FGF13: variants seen among roughly 807,000 people sequenced by gnomAD.
The protein encoded by FGF13 is fibroblast growth factor homologous factor 2.
A neutral mutation model predicts 19.5 loss-of-function variants in FGF13; 2 were observed. The observed-to-expected ratio is 0.10, with a 90% confidence interval of 0.04 to 0.32. The LOEUF (loss-of-function observed/expected upper bound fraction) is 0.32. Ranked by LOEUF, FGF13 falls within the 10% of genes least tolerant of loss-of-function variation. The probability of loss-of-function intolerance (pLI) is 1.00; values close to 1 mark genes in which losing one functional copy is unlikely to be tolerated. For missense variants in FGF13, 113 were observed against 192.7 expected (o/e 0.59, Z 2.45); for synonymous variants, 72 against 76.9 (o/e 0.94, Z 0.33).
intron 1 of FGF13, among the ~76,000 whole-genome samples, chrX:138,994,977 A>T (rs1456962834): frequency 1.6e-5 from 1 of 62,116 alleles, no homozygotes; most frequent in African/African-American, 6.1e-5. Context: ...TTCAACAACT[A>T]TGTAACCAAA....
chrX:138,936,970 T>C (rs1010468446), intron 1 of FGF13, among the ~76,000 whole-genome samples: 5 of 111,885 alleles, frequency 4.5e-5, no homozygotes, highest in East Asian at 2.8e-4. Context: ...TTTTCTTTTA[T>C]ATCTGTTTGT....
chrX:138,734,038 G>A (rs2090253388), intron 1 of FGF13, among the ~76,000 whole-genome samples: 1 of 111,524 alleles, frequency 9.0e-6, no homozygotes, highest in South Asian at 3.7e-4. Flanking sequence ...GGACCAAAAG[G>A]CTGTTTGAAC....
chrX:138,905,360 GATA>G (rs1020815354), intron 1 of FGF13, among the ~76,000 whole-genome samples: 2 of 111,905 alleles, frequency 1.8e-5, no homozygotes, highest in African/African-American at 6.5e-5. Flanking sequence ...ATAAGCACAA[GATA>G]ATGTGACTAC....
chrX:138,887,918 C>G (rs2091458788), intron 1 of FGF13, among the ~76,000 whole-genome samples: 1 of 111,976 alleles, frequency 8.9e-6, no homozygotes, highest in African/African-American at 3.3e-5. Flanking sequence ...CTTCTCCCTT[C>G]TAGTTTAATA....
intron 1 of FGF13, among the ~76,000 whole-genome samples, chrX:138,969,666 T>C (rs1369638615): frequency 1.8e-5 from 2 of 111,788 alleles, no homozygotes; most frequent in Non-Finnish European, 3.8e-5. Context: ...GTATTAGGAA[T>C]GTGTTTTAAT....
At chrX:139,178,887 T>A (rs189764004) in intron 1 of FGF13, among the ~76,000 whole-genome samples, 406 of 112,327 alleles carry the variant, frequency 3.6e-3, no homozygotes, top group Non-Finnish European at 6.1e-3. Context: ...AATAAGGGAT[T>A]AAACTGGACA....
intron 1 of FGF13, among the ~76,000 whole-genome samples, chrX:139,075,935 C>T (rs1410477981): frequency 2.2e-4 from 3 of 13,544 alleles, no homozygotes; most frequent in Non-Finnish European, 4.0e-4. Flanking sequence ...CTCCGCTTCC[C>T]GGGTTCACGC....
intron 1 of FGF13, among the ~76,000 whole-genome samples, chrX:138,939,037 C>A (rs1476068936): frequency 8.9e-6 from 1 of 111,964 alleles, no homozygotes; most frequent in African/African-American, 3.2e-5. Context: ...AGGTGGTTGG[C>A]TTTAAATGTA....
intron 3 of FGF13, among the ~76,000 whole-genome samples, chrX:138,811,076 G>C (rs758845920): frequency 9.0e-6 from 1 of 111,676 alleles, no homozygotes; most frequent in African/African-American, 3.3e-5. Flanking sequence ...ACCATTTGAC[G>C]CAGCCATCCC....
chrX:139,050,844 C>T (rs958335023), intron 1 of FGF13, among the ~76,000 whole-genome samples: 8 of 112,097 alleles, frequency 7.1e-5, no homozygotes, highest in Admixed American at 5.7e-4. Context: ...TCAGCCTTTA[C>T]TATATGTGTA....
intron 1 of FGF13, among the ~76,000 whole-genome samples, chrX:139,145,117 T>G (rs1377856284): frequency 6.2e-5 from 7 of 112,018 alleles, no homozygotes; most frequent in Non-Finnish European, 1.9e-5. Flanking sequence ...GATTCTTATG[T>G]TTGTTTCTGC....
intron 3 of FGF13, among the ~76,000 whole-genome samples, chrX:138,767,338 C>T (rs1447949946): frequency 2.7e-5 from 3 of 111,656 alleles, no homozygotes; most frequent in African/African-American, 9.8e-5. Flanking sequence ...ACTTTGTTTC[C>T]AGGCATTCAA....
chrX:139,186,689 C>T (rs1228080324), intron 1 of FGF13, among the ~76,000 whole-genome samples: 1 of 111,987 alleles, frequency 8.9e-6, no homozygotes, highest in African/African-American at 3.2e-5. Context: ...AGCCATAATG[C>T]ATGTCATACA....
intron 1 of FGF13, among the ~76,000 whole-genome samples, chrX:138,886,571 T>C (rs1398956295): frequency 8.9e-6 from 1 of 111,915 alleles, no homozygotes; most frequent in African/African-American, 3.3e-5. Flanking sequence ...ACCTTAGTAG[T>C]TTCATGACCT....
intron 1 of FGF13, among the ~76,000 whole-genome samples, chrX:139,189,472 T>C (rs1395828301): frequency 9.0e-6 from 1 of 111,361 alleles, no homozygotes; most frequent in Non-Finnish European, 1.9e-5. Context: ...AGGAAAGAAA[T>C]TCCCACACAC....
rs750338001 is a variant in FGF13 at position 138,825,306 on chromosome X, C to T, written c.217+32206G>A. Among the ~76,000 whole-genome samples the T allele has an allele frequency of 5.4e-5, 6 of 111,883 alleles. No homozygotes were observed. In the South Asian group the frequency reaches 2.2e-3, roughly 42 times the overall value. ...AAACACAAATTCATACTCCACATCT[C>T]CATTTCTCATCCTGAAATTAAGGAC... On this transcript the variant is annotated intron_variant, in intron 3 of 6. Coordinates refer to the FGF13 transcript ENST00000436198.
At chrX:138,702,824 T>C (rs889190407) in intron 3 of FGF13, among the ~76,000 whole-genome samples, 160 bp downstream of exon 3, 1 of 112,755 alleles carries the variant, frequency 8.9e-6, no homozygotes, top group Non-Finnish European at 1.9e-5. Flanking sequence ...AATAGATATA[T>C]TTTTCACAGA....
At chrX:138,724,578 A>C (rs2090171424) in intron 1 of FGF13, among the ~76,000 whole-genome samples, 1 of 111,897 alleles carries the variant, frequency 8.9e-6, no homozygotes, top group African/African-American at 3.2e-5. Flanking sequence ...TTTAGGACAG[A>C]AGTTTTTAAG....
intron 1 of FGF13, among the ~76,000 whole-genome samples, chrX:138,995,621 T>C (rs1220861707): frequency 8.9e-6 from 1 of 112,591 alleles, no homozygotes; most frequent in Non-Finnish European, 1.9e-5. Context: ...TCCATCCATG[T>C]TCCCACAAAA....
Sources: allele counts gnomAD v4.1 joint callset (sites outside exome capture counted in the v4.1 genomes callset), GRCh38; gene constraint gnomAD v4.1.1; transcripts MANE v1.5; gene names NCBI Gene and HGNC (gene_info 2026-07-23, HGNC 2026-07-21).